Variants in DYNC2H1 observed in about 807,000 individuals in gnomAD.
DYNC2H1 encodes cytoplasmic dynein 2 heavy chain 1.
Under a neutral mutation model 570.0 loss-of-function variants are expected in DYNC2H1, and 410 were observed. That is an observed-to-expected ratio of 0.72 (90% confidence interval 0.66 to 0.78). The LOEUF is 0.78. Ranked by LOEUF, DYNC2H1 falls within the 30% of genes least tolerant of loss-of-function variation. The pLI is 0.00. For synonymous variants in DYNC2H1, 1,688 were observed against 1,677.6 expected (o/e 1.01, Z -0.15); for missense variants, 4,865 against 5,046.4 (o/e 0.96, Z 1.09).
In DYNC2H1 at chr11:103,133,541, T is replaced by G. The variant is rs375910424; in HGVS notation, c.1954-14T>G. On this transcript the variant is annotated splice_polypyrimidine_tract_variant and intron_variant, in intron 13 of 88. Transcript: ENST00000375735. This position sits in a 1 kb window ranked among gnomAD's most constrained non-coding sequence, Gnocchi z 4.8. ...AATACTTATACATACTAAAGGTTATTTATTGTACCATAGAATTCAAAAGCA... is the reference window on the plus strand; with the variant it reads ...AATACTTATACATACTAAAGGTTATGTATTGTACCATAGAATTCAAAAGCA... The G allele has an allele frequency of 5.6e-6, 9 of 1,594,454 alleles. No individual in the cohort carries two copies. Among genetic ancestry groups the G allele is most frequent in the East Asian group, 2.2e-5 (1 of 44,666 alleles).
At chr11:103,407,596 A>G (rs1942913520) in intron 84 of DYNC2H1, 1 of 151,998 alleles carries the variant, frequency 6.6e-6, no homozygotes, top group African/African-American at 2.4e-5. Context: ...GGTAGTTACA[A>G]GGAGTGTCTT....
rs1047674026 is a variant in DYNC2H1, at chr11:103,244,486, A to T, written c.9918+695A>T. On this transcript the variant is annotated intron_variant, in intron 64 of 88. Transcript: ENST00000375735. The surrounding 1 kb of genome is among the most constrained non-coding windows in gnomAD (Gnocchi z 4.3). ...CCTTATTTTTTGTGTGATAAGAATA[A>T]TTATAAATTAAATAATATATAAAAT... Among the ~76,000 whole-genome samples the T allele has an allele frequency of 9.3e-5, 14 of 150,222 alleles. No individual in the cohort carries two copies. Among genetic ancestry groups the T allele is most frequent in the South Asian group, 6.2e-4 (3 of 4,820 alleles).
intron 17 of DYNC2H1, among the ~76,000 whole-genome samples, chr11:103,138,280 G>A (rs1372149658): frequency 2.0e-5 from 3 of 151,864 alleles, no homozygotes; most frequent in Non-Finnish European, 4.4e-5. Flanking sequence ...TAGGAGTGGT[G>A]AGAGAGGGCA....
At chr11:103,233,546 G>C (rs1481280136) in intron 60 of DYNC2H1, among the ~76,000 whole-genome samples, 2 of 151,720 alleles carry the variant, frequency 1.3e-5, no homozygotes, top group Non-Finnish European at 2.9e-5. Context: ...GAGGGGGTTG[G>C]GCTGTGGGGT....
intron 83 of DYNC2H1, among the ~76,000 whole-genome samples, chr11:103,367,171 T>C (rs961456375): frequency 2.6e-5 from 4 of 152,148 alleles, no homozygotes; most frequent in African/African-American, 9.6e-5. Flanking sequence ...TATTCAGATA[T>C]ACACATTTGT....
chr11:103,120,378 A>G (rs2134712909), intron 6 of DYNC2H1, 69 bp from the exon 7 acceptor site: 1 of 1,350,770 alleles, frequency 7.4e-7, no homozygotes, highest in East Asian at 2.5e-5. Context: ...CAATATATCT[A>G]GATTTTAGAC....
At chr11:103,187,294 G>T (rs1334043577) in intron 42 of DYNC2H1, 46 bp from the exon 43 acceptor site, 2 of 1,606,518 alleles carry the variant, frequency 1.2e-6, no homozygotes, top group Non-Finnish European at 8.5e-7. Flanking sequence ...AATGTATTTT[G>T]TTGGTTGCAT....
rs146014868 is a variant in DYNC2H1 at position 103,191,642 on chromosome 11, TTG to T, written c.7540+42_7540+43del. 9,663 of 1,336,380 alleles carry T rather than the reference TTG, an allele frequency of 7.2e-3. 2 individuals are homozygous for T. Among genetic ancestry groups the T allele is most frequent in the East Asian group, 0.02 (800 of 39,828 alleles). 82.8% of individuals were successfully genotyped at this position (1,336,380 alleles called of 1,614,324 possible). On this transcript the variant is annotated intron_variant, in intron 46 of 88. Transcript: ENST00000375735. ...GAGGTGAGTTTTGCTAGTGTGTATCTTGTGTGTGTGTGTGTGTGTGCACATTT... is the reference window on the plus strand; with the variant it reads ...GAGGTGAGTTTTGCTAGTGTGTATCTTGTGTGTGTGTGTGTGTGCACATTT...
chr11:103,267,003 A>G (rs997615215), intron 70 of DYNC2H1, among the ~76,000 whole-genome samples: 7 of 151,628 alleles, frequency 4.6e-5, no homozygotes, highest in Non-Finnish European at 1.0e-4. Flanking sequence ...CCGGTACCAA[A>G]CCCCCTGGGC....
Position 103,228,441 on chromosome 11 carries a change from A to G in DYNC2H1, c.9354-2819A>G, listed in dbSNP as rs961784380. The stretch of plus-strand genomic sequence containing the variant: ...TGGGTAGTTCTGAGATCTGAACTGT[A>G]GTGATTGTTTTTGCGCTTCTGGGTC... On this transcript the variant is annotated intron_variant, in intron 59 of 88. Coordinates refer to ENST00000375735, the MANE Select transcript of DYNC2H1 (RefSeq NM_001377.3). This position sits in a 1 kb window ranked among gnomAD's most constrained non-coding sequence, Gnocchi z 6.1. Among the ~76,000 whole-genome samples the G allele has an allele frequency of 6.6e-6, 1 of 151,928 alleles. No homozygotes were observed. Among genetic ancestry groups the G allele is most frequent in the Non-Finnish European group, 1.5e-5 (1 of 67,984 alleles).
At chr11:103,113,472 T>G (rs954139810) in intron 1 of DYNC2H1, 65 bp from the exon 2 acceptor site, 1 of 1,313,464 alleles carries the variant, frequency 7.6e-7, no homozygotes, top group Non-Finnish European at 1.0e-6. Flanking sequence ...GATAGAACTT[T>G]GTCTACATTT....
At position 103,228,923 on chromosome 11, in the gene DYNC2H1, AGGG is replaced by A. The variant is rs1863898845; in HGVS notation, c.9354-2333_9354-2331del. ...GGGCTTGTTGTGGCTGCTGTGGGGG[AGGG>A]GGGTGTGGTTTCCAGTCCAATGTAA... On this transcript the variant is annotated intron_variant, in intron 59 of 88. Transcript: ENST00000375735. This position sits in a 1 kb window ranked among gnomAD's most constrained non-coding sequence, Gnocchi z 6.1. Among the ~76,000 whole-genome samples, 2 of 150,940 alleles carry A rather than the reference AGGG, an allele frequency of 1.3e-5. No homozygotes were observed. The highest frequency in any genetic ancestry group is 1.3e-4 in the Admixed American group (2 of 15,128).
chr11:103,327,488 T>C (rs182391478), intron 82 of DYNC2H1, among the ~76,000 whole-genome samples: 70 of 152,300 alleles, frequency 4.6e-4, no homozygotes, highest in East Asian at 4.0e-3. Flanking sequence ...ACCTTATCAA[T>C]AGAAGTTCAA....
At chr11:103,302,084 T>G (rs1457489166) in intron 75 of DYNC2H1, among the ~76,000 whole-genome samples, 2 of 152,034 alleles carry the variant, frequency 1.3e-5, no homozygotes, top group African/African-American at 4.8e-5. Flanking sequence ...CAGAAGAGAT[T>G]TAAATATAAT....
At chr11:103,330,572 C>A in intron 82 of DYNC2H1, among the ~76,000 whole-genome samples, 1 of 63,634 alleles carries the variant, frequency 1.6e-5, no homozygotes, top group Non-Finnish European at 4.4e-5. Flanking sequence ...AAGCTCTAAC[C>A]TATTTTCATT....
At chr11:103,173,974 A>G in intron 35 of DYNC2H1, 81 bp from the exon 36 acceptor site, 1 of 966,802 alleles carries the variant, frequency 1.0e-6, no homozygotes, top group African/African-American at 1.6e-5. Flanking sequence ...TCAGTGTTAT[A>G]TTCTGTATTT....
At chr11:103,309,889 CTTG>C (rs1426101690) in intron 78 of DYNC2H1, among the ~76,000 whole-genome samples, 1 of 151,930 alleles carries the variant, frequency 6.6e-6, no homozygotes, top group Admixed American at 6.6e-5. Context: ...TTTCTGGGAT[CTTG>C]TTAAGAGGTA....
intron 3 of DYNC2H1, among the ~76,000 whole-genome samples, 188 bp from the exon 4 acceptor site, chr11:103,114,989 A>G (rs1410430101): frequency 6.6e-6 from 1 of 152,200 alleles, no homozygotes; most frequent in African/African-American, 2.4e-5. Flanking sequence ...TGTGGCACTA[A>G]GTAGACTTCA....
In DYNC2H1 at chr11:103,468,643, A is replaced by T. The variant is rs886047580; in HGVS notation, c.12703A>T (p.Asn4235Tyr). Residue 4235 changes from asparagine (N) to tyrosine (Y), a missense_variant, in exon 88 of 89, where the codon AAT (asparagine) becomes TAT (tyrosine). Transcript: ENST00000375735. ...CSFDGNQLSE[N>Y]QLDSPSVSSV... The stretch of plus-strand genomic sequence containing the variant: ...TTTTGATGGAAATCAACTTTCTGAA[A>T]ATCAGCTTGATTCTCCCAGCGTGTC... 1.1e-5 allele frequency: 18 copies of T among 1,613,692 alleles called. No homozygotes were observed. The highest frequency in any genetic ancestry group is 1.5e-5 in the Non-Finnish European group (18 of 1,179,774).
Sources: allele counts gnomAD v4.1 joint callset (sites outside exome capture counted in the v4.1 genomes callset), GRCh38; gene constraint gnomAD v4.1.1; non-coding constraint Gnocchi (gnomAD v3.1); transcripts MANE v1.5; gene names NCBI Gene and HGNC (gene_info 2026-07-23, HGNC 2026-07-21).